Variants in PCDHGB5 observed in about 807,000 individuals in gnomAD.
The protein encoded by PCDHGB5 is protocadherin gamma subfamily B, 5.
Under a neutral mutation model 62.9 loss-of-function variants are expected in PCDHGB5, and 48 were observed. That is an observed-to-expected ratio of 0.76 (90% CI 0.61 to 0.97). The LOEUF (loss-of-function observed/expected upper bound fraction) is 0.97. Ranked by LOEUF, PCDHGB5 falls within the 50% of genes least tolerant of loss-of-function variation. The pLI is 0.00. For synonymous variants in PCDHGB5, 474 were observed against 511.2 expected (o/e 0.93, Z 0.98); for missense variants, 1,118 against 1,198.6 (o/e 0.93, Z 0.99).
intron 2 of PCDHGB5, among the ~76,000 whole-genome samples, chr5:141,501,286 C>T (rs2099806802): frequency 8.9e-6 from 1 of 112,422 alleles, no homozygotes; most frequent in African/African-American, 3.5e-5. Context: ...GGGATATTCC[C>T]TTATACACAC....
At chr5:141,408,619 T>C in intron 1 of PCDHGB5, 1 of 1,613,974 alleles carries the variant, frequency 6.2e-7, no homozygotes, top group South Asian at 1.1e-5. Context: ...AGGAAATACA[T>C]TTAGAAATTT....
At chr5:141,427,984 C>G (rs754620535) in intron 1 of PCDHGB5, 2 of 1,597,494 alleles carry the variant, frequency 1.3e-6, no homozygotes, top group South Asian at 2.2e-5. Flanking sequence ...GCGCTGGGGC[C>G]CGATGGCTCC....
At position 141,485,709 on chromosome 5, in the gene PCDHGB5, C is replaced by A. The variant is rs2099618118; in HGVS notation, c.2398-9098C>A. On this transcript the variant is annotated intron_variant, in intron 1 of 3. Transcript: ENST00000617380. This position sits in a 1 kb window ranked among gnomAD's most constrained non-coding sequence, Gnocchi z 5.7. ...AGGCTGAGCTCCAATGAACACTTTGCACTGGATGTGAAGAAGCGCAGCGAC... is the reference window on the plus strand; with the variant it reads ...AGGCTGAGCTCCAATGAACACTTTGAACTGGATGTGAAGAAGCGCAGCGAC... The A allele has an allele frequency of 1.2e-6, 2 of 1,614,128 alleles. No homozygotes were observed. The highest frequency in any genetic ancestry group is 1.7e-6 in the Non-Finnish European group (2 of 1,180,028).
rs2094308599 is a variant in PCDHGB5 at position 141,402,798 on chromosome 5, C to T, written c.2397+2274C>T. ...TTTCCAGTTCTGCGGCTACACAAAA[C>T]CCGGCAGATACCACAAACCTGCTCC... On this transcript the variant is annotated intron_variant, in intron 1 of 3. Transcript: ENST00000617380. 7.6e-6 allele frequency: 8 copies of T among 1,054,376 alleles called. No individual in the cohort carries two copies. The South Asian group carries it at 1.6e-4, about 20-fold the overall frequency. The allele number at this position is 1,054,376 out of a possible 1,614,324, so 65.3% of individuals were successfully genotyped here. A position where few individuals can be genotyped will look rare whatever the true frequency, so the allele number is the denominator to read the frequency against.
At chr5:141,427,115 C>G (rs1276437779) in intron 1 of PCDHGB5, 5 of 457,520 alleles carry the variant, frequency 1.1e-5, no homozygotes, top group African/African-American at 1.0e-4. Flanking sequence ...AGATCACCTA[C>G]TCTTTCAAAT....
chr5:141,491,493 G>A lies in PCDHGB5; in HGVS notation c.2398-3314G>A, dbSNP rs1008591563. On this transcript the variant is annotated intron_variant, in intron 1 of 3. Transcript: ENST00000617380. This position sits in a 1 kb window ranked among gnomAD's most constrained non-coding sequence, Gnocchi z 6.9. ...AGCAGTCCAGCCCCAACCTGCAGGT[G>A]AGCTCGGACGGCACGCTCAAGTACA... 6.2e-7 allele frequency: 1 copy of A among 1,614,000 alleles called. No homozygotes were observed. Among genetic ancestry groups the A allele is most frequent in the African/African-American group, 1.3e-5 (1 of 74,928 alleles).
intron 1 of PCDHGB5, chr5:141,475,934 GC>G (rs879308605): frequency 6.0e-6 from 4 of 665,236 alleles, no homozygotes; most frequent in Non-Finnish European, 1.0e-5. Context: ...TCGGGCCCCT[GC>G]CCGTCCCCTT....
At chr5:141,443,872 A>G (rs1446612063) in intron 1 of PCDHGB5, among the ~76,000 whole-genome samples, 1 of 152,212 alleles carries the variant, frequency 6.6e-6, no homozygotes, top group South Asian at 2.1e-4. Context: ...AAAATTACTG[A>G]TAAGTCAAGA....
chr5:141,498,971 GGGAAGGAAGGAAGGAAGGAAGGAAGGAA>G (rs201769957), intron 2 of PCDHGB5, among the ~76,000 whole-genome samples: 8 of 111,052 alleles, frequency 7.2e-5, no homozygotes, highest in South Asian at 3.8e-4. Flanking sequence ...GAGGGAGGGA[GGGAAGGAAGGAAGGAAGGAAGGAAGGAA>G]GGAAGGAAGG....
chr5:141,478,323 G>C, intron 1 of PCDHGB5: 1 of 1,613,958 alleles, frequency 6.2e-7, no homozygotes, highest in Non-Finnish European at 8.5e-7. Flanking sequence ...TCACTGTACC[G>C]AACACCAGGG....
intron 1 of PCDHGB5, chr5:141,419,908 C>T: frequency 1.2e-6 from 2 of 1,613,976 alleles, no homozygotes; most frequent in Non-Finnish European, 1.7e-6. Context: ...CACCCTCTGA[C>T]TCCCAGGCTG....
chr5:141,404,330 T>C, intron 1 of PCDHGB5: 1 of 1,613,934 alleles, frequency 6.2e-7, no homozygotes, highest in African/African-American at 1.3e-5. Context: ...CTACTCAGTC[T>C]ACCTCCCGGA....
rs756464724 is a variant in PCDHGB5, at chr5:141,478,476, A to T, written c.2398-16331A>T. The T allele has an allele frequency of 5.0e-6, 8 of 1,613,838 alleles. 1 individual carries two copies. The South Asian group carries it at 7.7e-5, about 16-fold the overall frequency. The stretch of plus-strand genomic sequence containing the variant: ...GCCAGTCCACTGGCCAGCCGCCAGA[A>T]CACGCTGCGGAGCTGTGATCCGGTG... On this transcript the variant is annotated intron_variant, in intron 1 of 3. Transcript: ENST00000617380.
intron 1 of PCDHGB5, chr5:141,403,746 C>G (rs773668506): frequency 1.2e-6 from 2 of 1,613,904 alleles, no homozygotes; most frequent in Non-Finnish European, 8.5e-7. Flanking sequence ...CTTACTGCAA[C>G]AGCCAGCGAC....
intron 1 of PCDHGB5, among the ~76,000 whole-genome samples, chr5:141,430,380 T>C (rs1464446838): frequency 2.7e-5 from 4 of 147,890 alleles, no homozygotes; most frequent in Non-Finnish European, 4.5e-5. Flanking sequence ...AAAAGCTCAT[T>C]GGGAAAAAAA....
intron 1 of PCDHGB5, among the ~76,000 whole-genome samples, chr5:141,479,996 G>A (rs759188600): frequency 7.2e-5 from 11 of 152,244 alleles, no homozygotes; most frequent in Middle Eastern, 3.2e-3. Context: ...CTAGGAGTCT[G>A]TGGCCAAGTT....
chr5:141,485,886 A>G lies in PCDHGB5; in HGVS notation c.2398-8921A>G. 1.9e-6 allele frequency: 3 copies of G among 1,614,132 alleles called. No individual in the cohort carries two copies. Among genetic ancestry groups the G allele is most frequent in the Non-Finnish European group, 2.5e-6 (3 of 1,180,016 alleles). On this transcript the variant is annotated intron_variant, in intron 1 of 3. Transcript: ENST00000617380. This position sits in a 1 kb window ranked among gnomAD's most constrained non-coding sequence, Gnocchi z 5.7. ...GTATCCGTGCTGGACGTAAACGACAACGCCCCAGCCTTCCAGCAATCCAGC... is the reference window on the plus strand; with the variant it reads ...GTATCCGTGCTGGACGTAAACGACAGCGCCCCAGCCTTCCAGCAATCCAGC...
At chr5:141,455,289 A>G (rs1592356100) in intron 1 of PCDHGB5, among the ~76,000 whole-genome samples, 2 of 152,192 alleles carry the variant, frequency 1.3e-5, no homozygotes, top group East Asian at 3.9e-4. Context: ...ATCACTTTAC[A>G]TAGTTTCATC....
At chr5:141,413,151 T>C (rs1192899612) in intron 1 of PCDHGB5, 5 of 1,573,560 alleles carry the variant, frequency 3.2e-6, no homozygotes, top group South Asian at 1.2e-5. Context: ...GTGAGGACTT[T>C]GCAGAATTCT....
Sources: allele counts gnomAD v4.1 joint callset (sites outside exome capture counted in the v4.1 genomes callset), GRCh38; gene constraint gnomAD v4.1.1; non-coding constraint Gnocchi (gnomAD v3.1); transcripts MANE v1.5; gene names NCBI Gene and HGNC (gene_info 2026-07-23, HGNC 2026-07-21).